The following HDAC9 variants were observed in gnomAD, a reference collection of about 807,000 sequenced individuals.
The protein encoded by HDAC9 is MEF-2 interacting transcription repressor (MITR) protein.
Under a neutral mutation model 139.4 loss-of-function variants are expected in HDAC9, and 41 were observed. That is an observed-to-expected ratio of 0.29 (90% CI 0.23 to 0.38). The LOEUF is 0.38. HDAC9 is among the 10% of genes least tolerant of loss of function. The pLI, the probability that HDAC9 is intolerant of heterozygous loss-of-function variation, is 1.00. For synonymous variants in HDAC9, 517 were observed against 476.2 expected (o/e 1.09, Z -1.12); for missense variants, 1,147 against 1,297.0 (o/e 0.88, Z 1.78).
chr7:18,320,216 A>G (rs147719180), intron 1 of HDAC9, among the ~76,000 whole-genome samples: 73 of 152,224 alleles, frequency 4.8e-4, no homozygotes, highest in Non-Finnish European at 8.5e-4. Context: ...TGCTTATGAG[A>G]TTAATTTGGG....
chr7:18,342,679 G>A (rs598308), intron 1 of HDAC9, among the ~76,000 whole-genome samples: 151,879 of 151,906 alleles, frequency 1, 75,926 homozygotes, highest in Non-Finnish European at 1. Flanking sequence ...TTTTACTGAT[G>A]TAATGGTATA....
chr7:18,371,617 C>G (rs1490626845), intron 1 of HDAC9, among the ~76,000 whole-genome samples: 1 of 152,108 alleles, frequency 6.6e-6, no homozygotes, highest in Non-Finnish European at 1.5e-5. Flanking sequence ...TATACAGACA[C>G]AATAGCAGAA....
chr7:18,148,228 T>C (rs1786494152), intron 1 of HDAC9, among the ~76,000 whole-genome samples: 1 of 152,202 alleles, frequency 6.6e-6, no homozygotes, highest in South Asian at 2.1e-4. Flanking sequence ...TGGTTCACAC[T>C]GGGCTACACT....
intron 2 of HDAC9, among the ~76,000 whole-genome samples, chr7:18,567,402 A>G (rs757527496): frequency 1.3e-5 from 2 of 152,188 alleles, no homozygotes; most frequent in African/African-American, 2.4e-5. Flanking sequence ...AACCATGATA[A>G]TACTTACCTT....
chr7:18,937,653 TA>T (rs1285591925), intron 23 of HDAC9, among the ~76,000 whole-genome samples: 3 of 152,194 alleles, frequency 2.0e-5, no homozygotes, highest in African/African-American at 4.8e-5. Flanking sequence ...TGATTTTAAT[TA>T]TAGAAATATG....
intron 16 of HDAC9, among the ~76,000 whole-genome samples, chr7:18,783,744 T>C (rs1252593989): frequency 6.6e-6 from 1 of 151,880 alleles, no homozygotes; most frequent in Admixed American, 6.6e-5. Flanking sequence ...GCAGAAGTTA[T>C]GCACTGCCAG....
At chr7:18,536,204 A>G (rs1470760024) in intron 2 of HDAC9, among the ~76,000 whole-genome samples, 5 of 152,170 alleles carry the variant, frequency 3.3e-5, no homozygotes, top group Admixed American at 3.3e-4. Context: ...GGTTAAGTCT[A>G]AAGTATGTGT....
At chr7:18,158,245 A>G (rs1787371982) in intron 1 of HDAC9, among the ~76,000 whole-genome samples, 1 of 152,224 alleles carries the variant, frequency 6.6e-6, no homozygotes, top group African/African-American at 2.4e-5. Flanking sequence ...GATTATTGTG[A>G]TGTTCAAGGA....
In HDAC9 at chr7:18,402,099, G is replaced by A. The variant is rs1381212417; in HGVS notation, c.-41-94163G>A. On this transcript the variant is annotated intron_variant, in intron 1 of 3. Transcript: ENST00000413509. ...AAAGGAAACAACTAATATTTGTTAG[G>A]CACTGATCTTGAGTTAAACACCATG... Among the ~76,000 whole-genome samples, 3 of 152,094 alleles carry A rather than the reference G, an allele frequency of 2.0e-5. No homozygotes were observed. In the East Asian group the frequency reaches 5.8e-4, roughly 29 times the overall value.
chr7:18,913,379 T>G (rs1056208373), intron 22 of HDAC9, among the ~76,000 whole-genome samples: 3 of 152,130 alleles, frequency 2.0e-5, no homozygotes. Flanking sequence ...TTTGGCAATC[T>G]ATCTGATGAT....
At chr7:18,435,254 G>GA (rs1791081137) in intron 1 of HDAC9, among the ~76,000 whole-genome samples, 1 of 151,950 alleles carries the variant, frequency 6.6e-6, no homozygotes, top group African/African-American at 2.4e-5. Flanking sequence ...GGGCCTACGT[G>GA]AGGGTGAAGG....
intron 1 of HDAC9, among the ~76,000 whole-genome samples, chr7:18,353,714 G>C (rs1374236838): frequency 6.6e-6 from 1 of 152,162 alleles, no homozygotes; most frequent in Non-Finnish European, 1.5e-5. Context: ...TACACATTTG[G>C]ATCTGAAAGA....
intron 7 of HDAC9, among the ~76,000 whole-genome samples, chr7:18,632,629 A>G (rs1424254088): frequency 6.6e-6 from 1 of 152,090 alleles, no homozygotes; most frequent in East Asian, 1.9e-4. Context: ...GAGTACAGAA[A>G]GGGCAATGGT....
chr7:18,855,209 C>G (rs1797588046), intron 21 of HDAC9, among the ~76,000 whole-genome samples: 1 of 152,084 alleles, frequency 6.6e-6, no homozygotes, highest in African/African-American at 2.4e-5. Flanking sequence ...CAGCTCAGGA[C>G]TTGCTTTACA....
At chr7:18,258,044 C>T (rs1795399063) in intron 2 of HDAC9, among the ~76,000 whole-genome samples, 1 of 152,186 alleles carries the variant, frequency 6.6e-6, no homozygotes, top group Admixed American at 6.5e-5. Context: ...ATTAAAGTAT[C>T]TAAGTTGACT....
intron 13 of HDAC9, among the ~76,000 whole-genome samples, chr7:18,747,499 G>T (rs886568421): frequency 1.6e-4 from 25 of 152,298 alleles, no homozygotes; most frequent in African/African-American, 5.5e-4. Flanking sequence ...AGATCTTGAT[G>T]TCTTTTGTAA....
chr7:18,307,098 TGTGTG>T (rs1562860972), intron 1 of HDAC9, among the ~76,000 whole-genome samples: 1 of 6,168 alleles, frequency 1.6e-4, no homozygotes, highest in African/African-American at 1.3e-3. Flanking sequence ...GGGCAGTTCT[TGTGTG>T]TGTGTGTGTG....
intron 8 of HDAC9, among the ~76,000 whole-genome samples, chr7:18,640,796 A>T (rs530560036): frequency 1.3e-5 from 2 of 151,986 alleles, no homozygotes. Flanking sequence ...TGTGCTTTCA[A>T]TCACCACAAA....
intron 1 of HDAC9, among the ~76,000 whole-genome samples, chr7:18,368,056 T>C (rs1295620711): frequency 1.3e-5 from 2 of 152,142 alleles, no homozygotes; most frequent in African/African-American, 4.8e-5. Flanking sequence ...ATTGTAATAA[T>C]TTGATACTAA....
Sources: allele counts gnomAD v4.1 joint callset (sites outside exome capture counted in the v4.1 genomes callset), GRCh38; gene constraint gnomAD v4.1.1; transcripts MANE v1.5; gene names NCBI Gene and HGNC (gene_info 2026-07-23, HGNC 2026-07-21).